VTA1: variants seen among roughly 807,000 people sequenced by gnomAD.
VTA1 encodes the protein vacuolar protein sorting-associated protein VTA1 homolog.
A neutral mutation model predicts 36.9 loss-of-function variants in VTA1; 24 were observed. That is an observed-to-expected ratio of 0.65 (90% CI 0.47 to 0.91). The LOEUF (loss-of-function observed/expected upper bound fraction) is 0.91. Ranked by LOEUF, VTA1 falls within the 40% of genes least tolerant of loss-of-function variation. VTA1 has a pLI of 0.00. For missense variants in VTA1, 393 were observed against 377.2 expected (o/e 1.04, Z -0.35); for synonymous variants, 142 against 130.2 (o/e 1.09, Z -0.62).
At chr6:142,208,343 A>T (rs1449011837) in intron 7 of VTA1, among the ~76,000 whole-genome samples, 1 of 152,014 alleles carries the variant, frequency 6.6e-6, no homozygotes, top group East Asian at 1.9e-4. Flanking sequence ...TAAGCAGAAG[A>T]AAAAAATCAG....
At chr6:142,157,872 T>G (rs1778693190) in intron 1 of VTA1, among the ~76,000 whole-genome samples, 1 of 88,676 alleles carries the variant, frequency 1.1e-5, no homozygotes, top group Non-Finnish European at 2.4e-5. Context: ...TATTTTGGGT[T>G]TTTTTTTTTT....
At chr6:142,205,490 A>T (rs1468724245) in intron 7 of VTA1, among the ~76,000 whole-genome samples, 1 of 152,182 alleles carries the variant, frequency 6.6e-6, no homozygotes, top group Non-Finnish European at 1.5e-5. Flanking sequence ...GAACTCTCAC[A>T]TTTTGCCTAG....
rs55733529 is a variant in VTA1, at chr6:142,172,154, G to A, written c.411+1733G>A. 9.4e-3 allele frequency among the ~76,000 whole-genome samples: 1,432 copies of A among 152,244 alleles called. 10 individuals are homozygous for A. The highest frequency in any genetic ancestry group is 0.015 in the Non-Finnish European group (998 of 68,010). On this transcript the variant is annotated intron_variant, in intron 4 of 7. Coordinates refer to ENST00000367630, the MANE Select transcript of VTA1 (RefSeq NM_016485.5). ...GCCTCCCAAGTAGCTGGGCCTACAG[G>A]TGTGCACCACCACACCTGGCTAATT...
At chr6:142,166,349 T>C (rs1256725825) in intron 2 of VTA1, 27 bp downstream of exon 2, 1 of 1,496,034 alleles carries the variant, frequency 6.7e-7, no homozygotes, top group Admixed American at 1.8e-5. Flanking sequence ...TCATTTATTT[T>C]CTGGTTATGG....
chr6:142,168,737 T>G (rs562820511), intron 2 of VTA1, among the ~76,000 whole-genome samples: 48 of 133,026 alleles, frequency 3.6e-4, no homozygotes, highest in African/African-American at 1.2e-3. Context: ...CTCTGAGAGA[T>G]ATCATTATTA....
intron 4 of VTA1, among the ~76,000 whole-genome samples, chr6:142,188,361 C>A (rs565439047): frequency 6.7e-6 from 1 of 148,440 alleles, no homozygotes; most frequent in African/African-American, 2.5e-5. Context: ...ACTACAGGCA[C>A]GTGCCACCAC....
chr6:142,183,877 G>A (rs1407848891), intron 4 of VTA1, among the ~76,000 whole-genome samples: 1 of 152,150 alleles, frequency 6.6e-6, no homozygotes, highest in Non-Finnish European at 1.5e-5. Context: ...ACTAAACTGA[G>A]CCCTTTTCAA....
At chr6:142,148,355 C>T (rs555095860) in intron 1 of VTA1, among the ~76,000 whole-genome samples, 4 of 152,214 alleles carry the variant, frequency 2.6e-5, no homozygotes, top group African/African-American at 9.6e-5. Context: ...GGAATGTGCA[C>T]CTTTTTCTTG....
In VTA1 at chr6:142,169,533, A is replaced by G. The variant is rs898943822; in HGVS notation, c.208-17A>G. On this transcript the variant is annotated splice_polypyrimidine_tract_variant and intron_variant, in intron 2 of 7. Coordinates refer to ENST00000367630, the MANE Select transcript of VTA1 (RefSeq NM_016485.5). ...GAGAGTCCAAAATCATAAGCTATGT[A>G]TCTGATTTTATTTTAGCTAAAGAAG... 7.5e-6 allele frequency: 12 copies of G among 1,605,448 alleles called. No individual in the cohort carries two copies. The highest frequency in any genetic ancestry group is 1.7e-4 in the Middle Eastern group (1 of 6,032).
At chr6:142,217,989 ATATAAAATTTAAGAAACCTTAAGAAATTT>A (rs1240704384) in intron 7 of VTA1, among the ~76,000 whole-genome samples, 1 of 152,188 alleles carries the variant, frequency 6.6e-6, no homozygotes, top group African/African-American at 2.4e-5. Flanking sequence ...TATTTCAGTG[ATATAAAATTTAAGAAACCTTAAGAAATTT>A]TTACATGGAT....
intron 4 of VTA1, among the ~76,000 whole-genome samples, chr6:142,176,625 A>T (rs137975984): frequency 1.1e-3 from 168 of 151,048 alleles, no homozygotes; most frequent in African/African-American, 3.9e-3. Flanking sequence ...TTAAATTTTC[A>T]ATTCTTTGCA....
chr6:142,208,493 C>T (rs1286254929), intron 7 of VTA1, among the ~76,000 whole-genome samples: 2 of 152,000 alleles, frequency 1.3e-5, no homozygotes, highest in Non-Finnish European at 2.9e-5. Flanking sequence ...GGGAGCTGAG[C>T]GAGAGGTAGA....
In VTA1 at chr6:142,221,794, ATATAT is replaced by A. The variant is rs1046739832; in HGVS notation, c.*3154_*3158del. The A allele has an allele frequency of 2.7e-5, 4 of 148,024 alleles. No individual in the cohort carries two copies. Among genetic ancestry groups the A allele is most frequent in the African/African-American group, 9.8e-5 (4 of 40,786 alleles). The allele number at this position is 148,024 out of a possible 1,614,324, so 9.2% of individuals were successfully genotyped here. A position where few individuals can be genotyped will look rare whatever the true frequency, so the allele number is the denominator to read the frequency against. On this transcript the variant is annotated 3_prime_UTR_variant, in exon 8 of 8. Coordinates refer to ENST00000367630, the MANE Select transcript of VTA1 (RefSeq NM_016485.5). ...ATATGTATTTATATATAAATCATAAATATATTAATAAATATATAATATATATATTA... is the reference window on the plus strand; with the variant it reads ...ATATGTATTTATATATAAATCATAAATAATAAATATATAATATATATATTA...
intron 4 of VTA1, among the ~76,000 whole-genome samples, chr6:142,171,755 G>A (rs1775032472): frequency 6.6e-6 from 1 of 152,068 alleles, no homozygotes; most frequent in Non-Finnish European, 1.5e-5. Context: ...TGAGTGATTT[G>A]AACACTATGG....
intron 5 of VTA1, among the ~76,000 whole-genome samples, chr6:142,196,434 C>T (rs1049491333): frequency 2.0e-5 from 3 of 152,102 alleles, no homozygotes; most frequent in Admixed American, 2.0e-4. Context: ...CTGCAAAAAG[C>T]ATATAGGCAC....
chr6:142,207,634 A>C (rs1775818883), intron 7 of VTA1, among the ~76,000 whole-genome samples: 1 of 152,142 alleles, frequency 6.6e-6, no homozygotes. Context: ...GCGACCTAGC[A>C]GTGAAGATTT....
At chr6:142,180,829 C>T (rs981553185) in intron 4 of VTA1, among the ~76,000 whole-genome samples, 2 of 151,808 alleles carry the variant, frequency 1.3e-5, no homozygotes, top group Non-Finnish European at 2.9e-5. Flanking sequence ...AGACATTTTA[C>T]AGCTTGGTTG....
chr6:142,189,157 C>T (rs1050203703), intron 4 of VTA1, among the ~76,000 whole-genome samples: 2 of 152,154 alleles, frequency 1.3e-5, no homozygotes, highest in African/African-American at 4.8e-5. Flanking sequence ...AAGGACACTC[C>T]TGTTTTTCCG....
At position 142,219,846 on chromosome 6, in the gene VTA1, G is replaced by A. The variant is rs550045294; in HGVS notation, c.*1203G>A. On this transcript the variant is annotated 3_prime_UTR_variant, in exon 8 of 8. Coordinates refer to ENST00000367630, the MANE Select transcript of VTA1 (RefSeq NM_016485.5). ...GGCCCATGGATTGGCCACCTGTTAC[G>A]TAAATAAAGTTTCTTTGAAACAAGC... 13 of 152,026 alleles carry A rather than the reference G, an allele frequency of 8.6e-5. No individual in the cohort carries two copies. The highest frequency in any genetic ancestry group is 1.5e-4 in the Non-Finnish European group (10 of 67,988). The allele number at this position is 152,026 out of a possible 1,614,324, so 9.4% of individuals were successfully genotyped here. A position where few individuals can be genotyped will look rare whatever the true frequency, so the allele number is the denominator to read the frequency against.
Sources: allele counts gnomAD v4.1 joint callset (sites outside exome capture counted in the v4.1 genomes callset), GRCh38; gene constraint gnomAD v4.1.1; transcripts MANE v1.5; gene names NCBI Gene and HGNC (gene_info 2026-07-23, HGNC 2026-07-21).